The following TRIM5 variants were observed in gnomAD, a reference collection of about 807,000 sequenced individuals.
TRIM5 encodes the protein tripartite motif containing 5.
A neutral mutation model predicts 35.6 loss-of-function variants in TRIM5; 31 were observed. The ratio of observed to expected loss-of-function variants is 0.87; its 90% CI spans 0.65 to 1.18. The LOEUF (loss-of-function observed/expected upper bound fraction) is 1.18, where lower values mean the gene tolerates loss of function less well. Ranked by LOEUF, TRIM5 falls within the 50% of genes most tolerant of loss-of-function variation. TRIM5 has a pLI of 0.00. For missense variants in TRIM5, 609 were observed against 591.6 expected, an observed-to-expected ratio of 1.03 and a Z score of -0.31; for synonymous variants, 243 against 215.6, an observed-to-expected ratio of 1.13 and a Z score of -1.11.
chr11:5,595,759 C>G, the TRIM5 span, among the ~76,000 whole-genome samples: 368 of 150,816 alleles, frequency 2.4e-3, no homozygotes, highest in African/African-American at 8.4e-3. Context: ...GCTCTGTCTC[C>G]AGGCTGGAGT....
the TRIM5 span, chr11:5,632,862 T>C: frequency 1.5e-6 from 2 of 1,375,024 alleles, no homozygotes; most frequent in Non-Finnish European, 1.9e-6. Flanking sequence ...AGTCTCACTC[T>C]GTCGCCCAGG....
the TRIM5 span, among the ~76,000 whole-genome samples, chr11:5,638,809 A>T: frequency 6.6e-6 from 1 of 152,216 alleles, no homozygotes; most frequent in Non-Finnish European, 1.5e-5. Flanking sequence ...TCACAGTCCA[A>T]TGAGATGCAG....
In TRIM5 at chr11:5,663,534, C is replaced by G. The variant is rs1850909090; in HGVS notation, c.*1275G>C. ...TTTTCAATAATTTGTAGAACAAGTA[C>G]TTATTAGATCAAGACACTTAGATAG... On this transcript the variant is annotated 3_prime_UTR_variant, in exon 8 of 8. Coordinates refer to ENST00000380034, the MANE Select transcript of TRIM5 (RefSeq NM_033034.3). The G allele has an allele frequency of 1.0e-6, 1 of 980,826 alleles. No homozygotes were observed. Among genetic ancestry groups the G allele is most frequent in the East Asian group, 1.1e-4 (1 of 8,808 alleles). The allele number at this position is 980,826 out of a possible 1,614,324, so 60.8% of individuals were successfully genotyped here. A position where few individuals can be genotyped will look rare whatever the true frequency, so the allele number is the denominator to read the frequency against.
the TRIM5 span, chr11:5,619,688 A>ATTTTTTTTTTTTTTTTTTTTTTTTTT: frequency 1.5e-5 from 1 of 66,010 alleles, no homozygotes; most frequent in Non-Finnish European, 2.7e-5. Flanking sequence ...CCTGTTTTAA[A>ATTTTTTTTTTTTTTTTTTTTTTTTTT]TTTTTTTTTT....
the TRIM5 span, among the ~76,000 whole-genome samples, chr11:5,623,569 C>T: frequency 2.2e-5 from 3 of 138,464 alleles, no homozygotes; most frequent in Non-Finnish European, 3.1e-5. Context: ...TTAGTAGAGA[C>T]GGGGGTTTCA....
chr11:5,681,167 G>A (rs989675658), intron 1 of TRIM5, among the ~76,000 whole-genome samples: 2 of 152,154 alleles, frequency 1.3e-5, no homozygotes, highest in Non-Finnish European at 2.9e-5. Flanking sequence ...GAAGCACAGA[G>A]GCAGTGGATA....
At chr11:5,614,017 G>A in the TRIM5 span, among the ~76,000 whole-genome samples, 1 of 152,124 alleles carries the variant, frequency 6.6e-6, no homozygotes, top group Non-Finnish European at 1.5e-5. Flanking sequence ...GGTAAGACCT[G>A]GGGAAGGTTG....
At chr11:5,592,181 G>A in the TRIM5 span, among the ~76,000 whole-genome samples, 2 of 152,166 alleles carry the variant, frequency 1.3e-5, no homozygotes, top group Non-Finnish European at 2.9e-5. Context: ...TCTTCAAATT[G>A]ACTAGAATGT....
At position 5,683,139 on chromosome 11, in the gene TRIM5, G is replaced by A. The variant is rs557321326; in HGVS notation, c.-62+1729C>T. 3.5e-4 allele frequency among the ~76,000 whole-genome samples: 53 copies of A among 152,296 alleles called. No individual in the cohort carries two copies. In the Middle Eastern group the frequency reaches 0.01, roughly 29 times the overall value. On this transcript the variant is annotated intron_variant, in intron 1 of 7. Transcript: ENST00000380034. ...CTCGCCGGGCCTTAGCTGCCTCCCC[G>A]CGGGGCAGAGCTCAGGACCTGCAGC...
chr11:5,645,897 C>CTATATATATATCTA, the TRIM5 span: 9 of 145,160 alleles, frequency 6.2e-5, no homozygotes, highest in African/African-American at 2.5e-4. Flanking sequence ...ATATATATAT[C>CTATATATATATCTA]TATATATAGA....
the TRIM5 span, among the ~76,000 whole-genome samples, chr11:5,613,609 G>A: frequency 6.6e-6 from 1 of 152,160 alleles, no homozygotes; most frequent in Admixed American, 6.6e-5. Flanking sequence ...AAGATCTGCT[G>A]GAGTAGTTAT....
At chr11:5,607,247 A>G in the TRIM5 span, among the ~76,000 whole-genome samples, 1 of 152,208 alleles carries the variant, frequency 6.6e-6, no homozygotes, top group African/African-American at 2.4e-5. Context: ...GCTTCAAAAT[A>G]TGGACATAAA....
the TRIM5 span, among the ~76,000 whole-genome samples, chr11:5,598,850 G>A: frequency 6.6e-6 from 1 of 152,112 alleles, no homozygotes; most frequent in Non-Finnish European, 1.5e-5. Context: ...ATACAGTTCT[G>A]TGAATTTTCA....
chr11:5,611,634 A>C, the TRIM5 span: 1 of 312,060 alleles, frequency 3.2e-6, no homozygotes, highest in Non-Finnish European at 5.9e-6. Flanking sequence ...TTGTATTTTT[A>C]TAGAGATAGG....
the TRIM5 span, chr11:5,603,342 A>G: frequency 1.2e-6 from 2 of 1,613,876 alleles, no homozygotes; most frequent in Non-Finnish European, 1.7e-6. Context: ...TGGACATACG[A>G]GAAGAGGTGA....
chr11:5,664,599 G>GA lies in TRIM5; in HGVS notation c.*209dup, dbSNP rs1850983229. The stretch of plus-strand genomic sequence containing the variant: ...TTTCCTTAGGAGTACGGAAAATGAT[G>GA]AAAAAAATTGCTATCAAATGTCAAT... On this transcript the variant is annotated 3_prime_UTR_variant, in exon 8 of 8. Coordinates refer to ENST00000380034, the MANE Select transcript of TRIM5 (RefSeq NM_033034.3). The GA allele has an allele frequency of 1.3e-5, 17 of 1,299,444 alleles. 1 individual carries two copies. The highest frequency in any genetic ancestry group is 1.7e-5 in the Non-Finnish European group (17 of 1,027,222). 80.5% of individuals were successfully genotyped at this position (1,299,444 alleles called of 1,614,324 possible).
chr11:5,598,519 G>A, the TRIM5 span, among the ~76,000 whole-genome samples: 35 of 152,128 alleles, frequency 2.3e-4, no homozygotes, highest in South Asian at 3.5e-3. Context: ...AAAAATAAGC[G>A]GGTGAAATTA....
rs1852295210 is a variant in TRIM5, at chr11:5,679,892, C to T, written c.286G>A (p.Ala96Thr). 6.2e-7 allele frequency: 1 copy of T among 1,614,022 alleles called. No individual in the cohort carries two copies. The highest frequency in any genetic ancestry group is 8.5e-7 in the Non-Finnish European group (1 of 1,180,024). ...AGTAGAAGTTTCTCTCCATGGCGTG[C>T]ACAATGATCAACTTTCTGCCCCTCT... is the stretch of plus-strand genomic sequence containing the variant. ...SPEGQKVDHC[A>T]RHGEKLLLFC... Residue 96 changes from alanine (A) to threonine (T), a missense_variant, in exon 2 of 8, where the codon GCA becomes ACA. Coordinates refer to ENST00000380034, the MANE Select transcript of TRIM5 (RefSeq NM_033034.3).
the TRIM5 span, among the ~76,000 whole-genome samples, chr11:5,649,977 A>G: frequency 6.6e-6 from 1 of 152,218 alleles, no homozygotes; most frequent in Non-Finnish European, 1.5e-5. Flanking sequence ...TGGGGAACAT[A>G]GCAAGTTCAG....
Sources: gnomAD v4.1 joint callset for allele counts (sites outside exome capture counted in the v4.1 genomes callset) on GRCh38, gnomAD v4.1.1 for gene constraint, MANE v1.5 for transcripts, NCBI Gene and HGNC (gene_info 2026-07-23, HGNC 2026-07-21) for gene names.